Variants in NR5A2 observed in about 807,000 individuals in gnomAD.
The protein encoded by NR5A2 is CYP7A promoter-binding factor.
Under a neutral mutation model 62.7 loss-of-function variants are expected in NR5A2, and 26 were observed. The ratio of observed to expected loss-of-function variants is 0.41; its 90% CI spans 0.30 to 0.58. NR5A2 has a LOEUF of 0.58. Among genes scored for constraint, NR5A2 ranks in the 20% least tolerant of loss-of-function variants. The pLI is 0.22. For missense variants in NR5A2, 541 were observed against 669.1 expected (o/e 0.81, Z 2.11); for synonymous variants, 246 against 241.7 (o/e 1.02, Z -0.16).
Position 200,039,674 on chromosome 1 carries a change from C to T in NR5A2, c.81C>T (p.Asp27=), listed in dbSNP as rs373989335. The T allele has an allele frequency of 8.1e-5, 131 of 1,610,904 alleles. No individual in the cohort carries two copies. The Middle Eastern group carries it at 2.8e-3, about 35-fold the overall frequency. The change falls in exon 2 of 8, where the codon GAC becomes GAT. Residue 27 remains aspartate (D), a synonymous_variant. Coordinates refer to ENST00000367362, the MANE Select transcript of NR5A2 (RefSeq NM_205860.3). The surrounding 1 kb of genome is among the most constrained non-coding windows in gnomAD (Gnocchi z 5.1). ...GLTPIGAGLP[D]RHGSPIPARG... ...CGTGTCCAGGTGCTGGGCTTCCGGACCGACACGGATCCCCCATCCCCGCCC... is the reference window on the plus strand; with the variant it reads ...CGTGTCCAGGTGCTGGGCTTCCGGATCGACACGGATCCCCCATCCCCGCCC...
At chr1:200,076,591 G>T (rs185750216) in intron 5 of NR5A2, among the ~76,000 whole-genome samples, 92 of 152,180 alleles carry the variant, frequency 6.0e-4, no homozygotes, top group Non-Finnish European at 1.2e-3. Flanking sequence ...TCTAAAAGGA[G>T]TGACTAATTT....
chr1:200,067,472 C>T (rs554920161), intron 5 of NR5A2, among the ~76,000 whole-genome samples: 4 of 152,302 alleles, frequency 2.6e-5, no homozygotes, highest in Admixed American at 2.6e-4. Flanking sequence ...AGGACAGTTG[C>T]TTGAACCTGG....
chr1:200,051,588 C>T (rs1287155828), intron 5 of NR5A2, among the ~76,000 whole-genome samples: 1 of 152,098 alleles, frequency 6.6e-6, no homozygotes, highest in East Asian at 1.9e-4. Flanking sequence ...GGGAGATGTT[C>T]CCAGAAGAGA....
At chr1:200,101,070 C>A (rs1665342871) in intron 5 of NR5A2, among the ~76,000 whole-genome samples, 1 of 152,170 alleles carries the variant, frequency 6.6e-6, no homozygotes, top group South Asian at 2.1e-4. Context: ...GCTTCCAAAT[C>A]TTTTCTTAAG....
intron 7 of NR5A2, among the ~76,000 whole-genome samples, chr1:200,137,044 A>G (rs1466146619): frequency 6.6e-6 from 1 of 152,046 alleles, no homozygotes; most frequent in Non-Finnish European, 1.5e-5. Context: ...ATCCTGGCTC[A>G]CTGCAGCCTC....
intron 5 of NR5A2, among the ~76,000 whole-genome samples, chr1:200,056,766 G>A (rs182261965): frequency 1.6e-3 from 246 of 152,238 alleles, no homozygotes; most frequent in Non-Finnish European, 2.8e-3. Flanking sequence ...TGTCTTATGA[G>A]CGTCCTGTTC....
intron 1 of NR5A2, chr1:200,029,102 G>C (rs934638101): frequency 2.3e-6 from 1 of 444,364 alleles, no homozygotes; most frequent in Admixed American, 2.4e-5. Context: ...CTTTTTCGTC[G>C]GGCAGAACCG....
chr1:200,049,952 GC>G (rs1324969090), intron 5 of NR5A2, among the ~76,000 whole-genome samples: 1 of 152,196 alleles, frequency 6.6e-6, no homozygotes, highest in East Asian at 1.9e-4. Context: ...GTACATGGAA[GC>G]AAAAAAGTTA....
At chr1:200,091,837 G>A (rs997043540) in intron 5 of NR5A2, among the ~76,000 whole-genome samples, 3 of 152,032 alleles carry the variant, frequency 2.0e-5, no homozygotes, top group African/African-American at 7.2e-5. Context: ...CTAACATTTT[G>A]GTGTGTGAGT....
At chr1:200,071,085 T>A (rs1283046281) in intron 5 of NR5A2, among the ~76,000 whole-genome samples, 2 of 152,242 alleles carry the variant, frequency 1.3e-5, no homozygotes, top group Non-Finnish European at 2.9e-5. Flanking sequence ...TGGTTTGAAA[T>A]TATTTACCCA....
At chr1:200,106,022 A>G (rs537880811) in intron 5 of NR5A2, among the ~76,000 whole-genome samples, 2 of 151,510 alleles carry the variant, frequency 1.3e-5, no homozygotes, top group South Asian at 4.2e-4. Flanking sequence ...CTTGACAAAG[A>G]TCTACACATT....
chr1:200,154,119 C>T (rs1653264272), intron 7 of NR5A2, among the ~76,000 whole-genome samples: 1 of 152,130 alleles, frequency 6.6e-6, no homozygotes, highest in Non-Finnish European at 1.5e-5. Context: ...CACATTATTT[C>T]CAGAAGTATC....
At position 200,066,954 on chromosome 1, in the gene NR5A2, C is replaced by T. The variant is rs114750545; in HGVS notation, c.1110+18136C>T. ...AACTTAAATCCTTCCTTCTGCATCA[C>T]GTGTCATTCCCTGTGGACCTGTCAA... is the stretch of plus-strand genomic sequence containing the variant. On this transcript the variant is annotated intron_variant, in intron 5 of 7. Transcript: ENST00000367362. Among the ~76,000 whole-genome samples, 617 of 152,318 alleles carry T rather than the reference C, an allele frequency of 4.1e-3. 5 individuals are homozygous for T. The highest frequency in any genetic ancestry group is 0.014 in the African/African-American group (591 of 41,562).
intron 5 of NR5A2, among the ~76,000 whole-genome samples, chr1:200,070,679 C>CAA (rs34685659): frequency 0.47 from 62,564 of 132,986 alleles, 14,252 homozygotes; most frequent in African/African-American, 0.51. Context: ...GACTCTGTCT[C>CAA]AAAAAAAAAA....
At chr1:200,143,973 C>T (rs1324941535) in intron 7 of NR5A2, among the ~76,000 whole-genome samples, 1 of 152,102 alleles carries the variant, frequency 6.6e-6, no homozygotes, top group Non-Finnish European at 1.5e-5. Context: ...CACTGCTCTG[C>T]ATTTCTGCTC....
chr1:200,046,068 T>A (rs1662345072), intron 4 of NR5A2, among the ~76,000 whole-genome samples: 1 of 152,224 alleles, frequency 6.6e-6, no homozygotes, highest in African/African-American at 2.4e-5. Context: ...AAGCCTTTAA[T>A]GGTGAAAAGG....
At chr1:200,113,209 A>G (rs1666044092) in intron 6 of NR5A2, among the ~76,000 whole-genome samples, 1 of 152,052 alleles carries the variant, frequency 6.6e-6, no homozygotes, top group African/African-American at 2.4e-5. Context: ...TGCAGCCTGG[A>G]TTCTTCCAGC....
intron 1 of NR5A2, among the ~76,000 whole-genome samples, chr1:200,033,145 G>T (rs1240580402): frequency 1.3e-5 from 2 of 152,178 alleles, no homozygotes; most frequent in Non-Finnish European, 2.9e-5. Context: ...CTACTCTGGA[G>T]TTTCCTGGAA....
chr1:200,113,165 T>C (rs1173886640), intron 6 of NR5A2, among the ~76,000 whole-genome samples: 2 of 152,186 alleles, frequency 1.3e-5, no homozygotes, highest in Non-Finnish European at 2.9e-5. Flanking sequence ...AGGAACTCCA[T>C]GGTGGAGAAA....
Sources: gnomAD v4.1 joint callset for allele counts (sites outside exome capture counted in the v4.1 genomes callset) on GRCh38, gnomAD v4.1.1 for gene constraint, Gnocchi (gnomAD v3.1) non-coding constraint, MANE v1.5 for transcripts, NCBI Gene and HGNC (gene_info 2026-07-23, HGNC 2026-07-21) for gene names.